Variants in ADAMTS17 observed in about 807,000 individuals in gnomAD.
ADAMTS17 encodes the protein ADAM metallopeptidase with thrombospondin type 1 motif 17.
ADAMTS17 carries 113 observed loss-of-function variants against 141.5 expected under a neutral mutation model. That is an observed-to-expected ratio of 0.80 (90% CI 0.69 to 0.93). ADAMTS17 has a LOEUF of 0.93. Ranked by LOEUF, ADAMTS17 falls within the 40% of genes least tolerant of loss-of-function variation. ADAMTS17 has a pLI of 0.00. For missense variants in ADAMTS17, 1,659 were observed against 1,517.9 expected (o/e 1.09, Z -1.54); for synonymous variants, 768 against 630.6 (o/e 1.22, Z -3.27).
intron 8 of ADAMTS17, 36 bp downstream of exon 8, chr15:100,199,282 G>A (rs749725069): frequency 1.3e-6 from 2 of 1,580,692 alleles, no homozygotes. Flanking sequence ...AAAAAGGACT[G>A]AAAGAAAACA....
intron 9 of ADAMTS17, 131 bp from the exon 10 acceptor site, chr15:100,152,893 G>A (rs2039246519): frequency 1.2e-5 from 10 of 850,106 alleles, no homozygotes; most frequent in East Asian, 6.1e-5. Context: ...GAAAAAGGAC[G>A]CAGGCACTGG....
intron 15 of ADAMTS17, among the ~76,000 whole-genome samples, chr15:100,072,898 T>C (rs1008449866): frequency 3.3e-5 from 5 of 152,182 alleles, no homozygotes; most frequent in Admixed American, 2.6e-4. Context: ...AAAGCCAAAA[T>C]TGACAAATGG....
chr15:100,058,268 C>CCCTATCCCGGCTCTAACCCT lies in ADAMTS17; in HGVS notation c.2138-4234_2138-4215dup, dbSNP rs1567101936. Among the ~76,000 whole-genome samples the CCCTATCCCGGCTCTAACCCT allele has an allele frequency of 7.2e-4, 77 of 107,614 alleles. 10 individuals are homozygous for CCCTATCCCGGCTCTAACCCT. The highest frequency in any genetic ancestry group is 2.9e-3 in the East Asian group (12 of 4,172). The allele number at this position is 107,614 out of a possible 152,430, so 70.6% of individuals were successfully genotyped here. A position where few individuals can be genotyped will look rare whatever the true frequency, so the allele number is the denominator to read the frequency against. On this transcript the variant is annotated intron_variant, in intron 15 of 21. Coordinates refer to ENST00000268070, the MANE Select transcript of ADAMTS17 (RefSeq NM_139057.4). ...GACCCTCCTATCCCGGCTCTGACAC[C>CCCTATCCCGGCTCTAACCCT]CCTATCCCGGCTCTAACCCTCCTAT... is the stretch of plus-strand genomic sequence containing the variant.
At chr15:100,043,050 T>C (rs867386222) in intron 18 of ADAMTS17, among the ~76,000 whole-genome samples, 12 of 152,236 alleles carry the variant, frequency 7.9e-5, no homozygotes, top group Admixed American at 2.6e-4. Context: ...CTTCAAAATC[T>C]ATTATCAGAT....
intron 6 of ADAMTS17, among the ~76,000 whole-genome samples, chr15:100,255,140 C>T (rs2043282187): frequency 6.6e-6 from 1 of 152,144 alleles, no homozygotes; most frequent in South Asian, 2.1e-4. Flanking sequence ...ACAAGGGGTT[C>T]ATCTGGCCTG....
At chr15:100,187,582 C>A (rs768788736) in intron 8 of ADAMTS17, among the ~76,000 whole-genome samples, 1 of 152,208 alleles carries the variant, frequency 6.6e-6, no homozygotes, top group Non-Finnish European at 1.5e-5. Flanking sequence ...AGTTTCCACC[C>A]AGCATTTGAA....
chr15:100,176,384 C>A (rs1439341584), intron 8 of ADAMTS17, among the ~76,000 whole-genome samples: 1 of 152,190 alleles, frequency 6.6e-6, no homozygotes, highest in Non-Finnish European at 1.5e-5. Context: ...AAAAAAAATA[C>A]AGATGCCTAA....
intron 15 of ADAMTS17, among the ~76,000 whole-genome samples, chr15:100,076,103 C>T (rs895336698): frequency 2.0e-5 from 3 of 152,166 alleles, no homozygotes; most frequent in Admixed American, 6.5e-5. Context: ...AGCACAGTGC[C>T]GTGATCTCAG....
chr15:100,000,830 C>T (rs903521069), intron 18 of ADAMTS17, among the ~76,000 whole-genome samples: 1 of 152,088 alleles, frequency 6.6e-6, no homozygotes, highest in Non-Finnish European at 1.5e-5. Context: ...TACTGCTCCC[C>T]AGAATACACC....
At chr15:100,319,105 G>T (rs35397338) in intron 3 of ADAMTS17, among the ~76,000 whole-genome samples, 37,359 of 152,252 alleles carry the variant, frequency 0.25, 5,252 homozygotes, top group South Asian at 0.44. Context: ...AAATGACTCA[G>T]TGAAGACTTT....
chr15:100,327,972 G>A (rs2045945106), intron 3 of ADAMTS17, among the ~76,000 whole-genome samples: 1 of 152,116 alleles, frequency 6.6e-6, no homozygotes, highest in Non-Finnish European at 1.5e-5. Flanking sequence ...GCTCACCTAG[G>A]TTCACCTTTC....
intron 3 of ADAMTS17, among the ~76,000 whole-genome samples, chr15:100,330,183 C>G (rs964074673): frequency 7.2e-5 from 11 of 152,128 alleles, no homozygotes; most frequent in African/African-American, 2.7e-4. Context: ...AGGTTCTCCC[C>G]CCACACTGCA....
chr15:100,031,481 G>A (rs537826103), intron 18 of ADAMTS17, among the ~76,000 whole-genome samples: 3 of 152,254 alleles, frequency 2.0e-5, no homozygotes, highest in Non-Finnish European at 2.9e-5. Context: ...GGGTAAAGTC[G>A]ACCACAGGCT....
At chr15:100,074,309 G>A (rs1355982023) in intron 15 of ADAMTS17, 1 of 152,116 alleles carries the variant, frequency 6.6e-6, no homozygotes, top group Admixed American at 6.5e-5. Flanking sequence ...GTGTTTTGCT[G>A]TTGAATATAA....
chr15:100,146,595 G>C (rs1018991950), intron 10 of ADAMTS17, among the ~76,000 whole-genome samples: 3 of 152,198 alleles, frequency 2.0e-5, no homozygotes, highest in Non-Finnish European at 4.4e-5. Flanking sequence ...CTTGAAAAAA[G>C]AACAGGATAA....
At chr15:100,098,809 C>G (rs2070291681) in intron 14 of ADAMTS17, among the ~76,000 whole-genome samples, 1 of 152,234 alleles carries the variant, frequency 6.6e-6, no homozygotes, top group South Asian at 2.1e-4. Flanking sequence ...AGTGCATGGT[C>G]TCCAGACTTG....
intron 18 of ADAMTS17, among the ~76,000 whole-genome samples, chr15:100,017,226 C>A (rs1349508646): frequency 6.6e-6 from 1 of 152,220 alleles, no homozygotes; most frequent in Non-Finnish European, 1.5e-5. Flanking sequence ...GCCCCCTCAA[C>A]AGCCCCGAGT....
At chr15:100,331,089 C>A (rs2046039126) in intron 2 of ADAMTS17, 35 bp from the exon 3 acceptor site, 1 of 1,613,140 alleles carries the variant, frequency 6.2e-7, no homozygotes. Flanking sequence ...CGATGTCGGT[C>A]ATCCTCACTC....
intron 20 of ADAMTS17, among the ~76,000 whole-genome samples, chr15:99,983,567 G>T (rs887524052): frequency 6.6e-6 from 1 of 152,212 alleles, no homozygotes; most frequent in African/African-American, 2.4e-5. Flanking sequence ...GAATTAGCGA[G>T]AGGAGGCTGT....
Sources: allele counts gnomAD v4.1 joint callset (sites outside exome capture counted in the v4.1 genomes callset), GRCh38; gene constraint gnomAD v4.1.1; transcripts MANE v1.5; gene names NCBI Gene and HGNC (gene_info 2026-07-23, HGNC 2026-07-21).